FHIP1A: variants seen among roughly 807,000 people sequenced by gnomAD.
FHIP1A encodes the protein FHF complex subunit HOOK interacting protein 1A, also known as FHF complex subunit HOOK-interacting protein 1A.
Under a neutral mutation model 88.6 loss-of-function variants are expected in FHIP1A, and 61 were observed. The observed-to-expected ratio is 0.69, with a 90% CI of 0.56 to 0.85. The LOEUF is 0.85. FHIP1A is among the 40% of genes least tolerant of loss of function. The pLI is 0.00. For synonymous variants in FHIP1A, 478 were observed against 496.0 expected (o/e 0.96, Z 0.48); for missense variants, 1,154 against 1,273.5 (o/e 0.91, Z 1.43).
At chr4:151,553,068 T>A (rs1732808174) in intron 3 of FHIP1A, among the ~76,000 whole-genome samples, 1 of 152,174 alleles carries the variant, frequency 6.6e-6, no homozygotes, top group Non-Finnish European at 1.5e-5. Context: ...GAATGTGCTT[T>A]GTATTATAAT....
intron 3 of FHIP1A, among the ~76,000 whole-genome samples, chr4:151,518,635 T>TCCCTCTC (rs1560744124): frequency 1.2e-5 from 1 of 81,460 alleles, no homozygotes; most frequent in Admixed American, 1.4e-4. Flanking sequence ...AACTATCCAT[T>TCCCTCTC]TCCCTCCCTC....
At chr4:151,599,962 G>A (rs1734800180) in intron 7 of FHIP1A, among the ~76,000 whole-genome samples, 1 of 152,236 alleles carries the variant, frequency 6.6e-6, no homozygotes, top group South Asian at 2.1e-4. Context: ...TATAGTAGCA[G>A]TCATGATGAT....
chr4:151,598,304 G>A (rs1734729975), intron 7 of FHIP1A, among the ~76,000 whole-genome samples: 1 of 152,074 alleles, frequency 6.6e-6, no homozygotes, highest in East Asian at 1.9e-4. Flanking sequence ...CCGACTCCTC[G>A]AGCTTCCCAG....
rs945457753 is a variant in FHIP1A at position 151,665,465 on chromosome 4, T to A, written c.*2711T>A. 2.6e-5 allele frequency among the ~76,000 whole-genome samples: 4 copies of A among 152,204 alleles called. No individual in the cohort carries two copies. Among genetic ancestry groups the A allele is most frequent in the African/African-American group, 9.7e-5 (4 of 41,446 alleles). On this transcript the variant is annotated 3_prime_UTR_variant, in exon 14 of 14. Coordinates refer to ENST00000435205, the MANE Select transcript of FHIP1A (RefSeq NM_001109977.3). ...TCCTCAGAGGTTTTTGTCCATGGTTTTGCAAAATGAAGTCAGAAAATGGAG... is the reference window on the plus strand; with the variant it reads ...TCCTCAGAGGTTTTTGTCCATGGTTATGCAAAATGAAGTCAGAAAATGGAG...
chr4:151,429,577 G>A (rs1049042162), intron 1 of FHIP1A, among the ~76,000 whole-genome samples: 5 of 152,118 alleles, frequency 3.3e-5, no homozygotes, highest in African/African-American at 1.2e-4. Flanking sequence ...TAATATCCAC[G>A]GTGGCTCATG....
intron 2 of FHIP1A, among the ~76,000 whole-genome samples, chr4:151,472,763 T>C (rs76647853): frequency 0.025 from 3,878 of 152,198 alleles, 177 homozygotes; most frequent in African/African-American, 0.088. Flanking sequence ...GGCAGAAATA[T>C]AAGTGGTGAC....
chr4:151,602,366 G>A (rs1180448395), intron 7 of FHIP1A, among the ~76,000 whole-genome samples: 1 of 152,194 alleles, frequency 6.6e-6, no homozygotes, highest in Non-Finnish European at 1.5e-5. Flanking sequence ...TGCACCAGGT[G>A]CAAAGTACTG....
rs185609507 is a variant in FHIP1A, at chr4:151,640,241, G to A, written c.1226+1485G>A. Reference sequence around the variant, plus strand: ...GGCATAACATCTTGCAAAAGAGAGTGATTACAAAATGAGTGTGAAAAAGCT... The same window carrying A: ...GGCATAACATCTTGCAAAAGAGAGTAATTACAAAATGAGTGTGAAAAAGCT... On this transcript the variant is annotated intron_variant, in intron 9 of 13. Transcript: ENST00000435205. 1.6e-3 allele frequency among the ~76,000 whole-genome samples: 239 copies of A among 152,324 alleles called. 1 individual carries two copies. The highest frequency in any genetic ancestry group is 5.5e-3 in the African/African-American group (230 of 41,576).
At position 151,650,146 on chromosome 4, in the gene FHIP1A, C is replaced by T. The variant is rs991709481; in HGVS notation, c.2105C>T (p.Ser702Leu). ...DSEEEWNRDN[S>L]DPFHSEPKEP... ...GAGGAGGAGTGGAATAGGGACAATT[C>T]AGACCCGTTTCACAGTGAGCCCAAG... Residue 702 changes from serine to leucine, a missense_variant, in exon 11 of 14, where the codon TCA becomes TTA. By Grantham distance (145) the Ser-to-Leu change is moderately radical (BLOSUM62 -2). Coordinates refer to ENST00000435205, the MANE Select transcript of FHIP1A (RefSeq NM_001109977.3). 17 of 1,551,592 alleles carry T rather than the reference C, an allele frequency of 1.1e-5. No individual in the cohort carries two copies. The highest frequency in any genetic ancestry group is 6.8e-5 in the African/African-American group (5 of 73,038).
intron 3 of FHIP1A, among the ~76,000 whole-genome samples, chr4:151,540,898 A>C (rs1467860846): frequency 6.6e-6 from 1 of 152,178 alleles, no homozygotes; most frequent in African/African-American, 2.4e-5. Context: ...TAGAACAGAC[A>C]AGACAACTTG....
At chr4:151,454,849 T>G (rs35657132) in intron 2 of FHIP1A, 41 bp downstream of exon 2, 1 of 152,158 alleles carries the variant, frequency 6.6e-6, no homozygotes, top group Non-Finnish European at 1.5e-5. Context: ...TTTTAGCTTG[T>G]GTGTGAAAAT....
intron 3 of FHIP1A, among the ~76,000 whole-genome samples, chr4:151,496,483 A>G (rs17027640): frequency 0.1 from 15,411 of 151,960 alleles, 1,402 homozygotes; most frequent in South Asian, 0.28. Flanking sequence ...CCCTTAAGAA[A>G]GATAATGTGT....
Position 151,577,741 on chromosome 4 carries a change from C to G in FHIP1A, c.397C>G (p.Leu133Val). 1 of 1,551,864 alleles carries G rather than the reference C, an allele frequency of 6.4e-7. No individual in the cohort carries two copies. The highest frequency in any genetic ancestry group is 2.0e-5 in the Admixed American group (1 of 51,008). The change falls in exon 5 of 14, where the codon CTG becomes GTG. Residue 133 changes from leucine to valine, a missense_variant. Transcript: ENST00000435205. ...GTTGGTCACCCAGTCGCACCAGCCT[C>G]TGCTGCACCACAAACCCATTCTGAA... ...EMLVTQSHQPLLHHKPILKPL... is the reference protein window; with the variant it reads ...EMLVTQSHQPVLHHKPILKPL...
intron 1 of FHIP1A, among the ~76,000 whole-genome samples, chr4:151,449,516 T>C (rs1023289934): frequency 6.6e-6 from 1 of 152,176 alleles, no homozygotes; most frequent in Non-Finnish European, 1.5e-5. Context: ...CATGCATTTA[T>C]CATTTCTTTG....
chr4:151,534,602 G>A (rs1417114238), intron 3 of FHIP1A: 1 of 152,144 alleles, frequency 6.6e-6, no homozygotes, highest in Admixed American at 6.5e-5. Context: ...TGCAATTAAA[G>A]TAAAATTGAC....
chr4:151,453,804 G>A (rs1444985255), intron 1 of FHIP1A, among the ~76,000 whole-genome samples: 7 of 152,078 alleles, frequency 4.6e-5, no homozygotes. Context: ...GGGAGGCGGA[G>A]GTTGCGGTGA....
chr4:151,570,358 A>C (rs1733551121), intron 4 of FHIP1A, among the ~76,000 whole-genome samples: 1 of 152,178 alleles, frequency 6.6e-6, no homozygotes, highest in Non-Finnish European at 1.5e-5. Context: ...GCTCTAAGAA[A>C]CCTTCCCTGC....
intron 2 of FHIP1A, among the ~76,000 whole-genome samples, chr4:151,477,031 G>C (rs2126628006): frequency 6.6e-6 from 1 of 152,244 alleles, no homozygotes; most frequent in African/African-American, 2.4e-5. Flanking sequence ...TGGATGTGAA[G>C]GTGCCAATTC....
At chr4:151,418,555 A>G (rs1732987911) in intron 1 of FHIP1A, among the ~76,000 whole-genome samples, 1 of 152,154 alleles carries the variant, frequency 6.6e-6, no homozygotes, top group South Asian at 2.1e-4. Context: ...TTTTGACAGG[A>G]TTTCCTGACT....
Sources: gnomAD v4.1 joint callset for allele counts (sites outside exome capture counted in the v4.1 genomes callset) on GRCh38, gnomAD v4.1.1 for gene constraint, MANE v1.5 for transcripts, NCBI Gene and HGNC (gene_info 2026-07-23, HGNC 2026-07-21) for gene names.